FLT3: variants seen among roughly 807,000 people sequenced by gnomAD.
FLT3 encodes the protein receptor-type tyrosine-protein kinase FLT3.
In FLT3, 46 loss-of-function variants were observed where a neutral mutation model predicts 126.6. The ratio of observed to expected loss-of-function variants is 0.36; its 90% CI spans 0.29 to 0.46. The LOEUF (loss-of-function observed/expected upper bound fraction) is 0.46, where lower values mean the gene tolerates loss of function less well. Ranked by LOEUF, FLT3 falls within the 20% of genes least tolerant of loss-of-function variation. FLT3 has a pLI of 1.00. For missense variants in FLT3, 1,069 were observed against 1,190.3 expected, an observed-to-expected ratio of 0.90 and a Z score of 1.50; for synonymous variants, 404 against 434.4, an observed-to-expected ratio of 0.93 and a Z score of 0.87.
intron 9 of FLT3, among the ~76,000 whole-genome samples, chr13:28,046,754 C>T (rs1335443747): frequency 6.6e-6 from 1 of 152,052 alleles, no homozygotes; most frequent in African/African-American, 2.4e-5. Flanking sequence ...CACCACCACA[C>T]TCAACTCATT....
intron 8 of FLT3, 145 bp downstream of exon 8, chr13:28,049,239 C>A: frequency 2.5e-6 from 2 of 815,710 alleles, no homozygotes; most frequent in South Asian, 3.5e-5. Context: ...GGCAGATTAT[C>A]TTTGCAAAGC....
chr13:28,052,731 C>A (rs2137741935), intron 4 of FLT3, 57 bp from the exon 5 acceptor site: 1 of 1,262,584 alleles, frequency 7.9e-7, no homozygotes, highest in Non-Finnish European at 1.1e-6. Flanking sequence ...CTCTTAGCAG[C>A]CCCTCAGAAA....
At chr13:28,046,823 T>A (rs1874927324) in intron 9 of FLT3, among the ~76,000 whole-genome samples, 1 of 152,120 alleles carries the variant, frequency 6.6e-6, no homozygotes, top group Non-Finnish European at 1.5e-5. Context: ...CTCAAACTCC[T>A]AGGATCAAGC....
chr13:28,006,194 T>C (rs1173130657), intron 23 of FLT3, among the ~76,000 whole-genome samples: 2 of 152,206 alleles, frequency 1.3e-5, no homozygotes, highest in East Asian at 1.9e-4. Context: ...TTTTATAGAT[T>C]TGTTCCGTTC....
intron 18 of FLT3, 21 bp from the exon 19 acceptor site, chr13:28,023,498 T>G: frequency 6.2e-7 from 1 of 1,610,808 alleles, no homozygotes; most frequent in Non-Finnish European, 8.5e-7. Flanking sequence ...GAGCCAGTCT[T>G]CACTTTTGCC....
intron 1 of FLT3, among the ~76,000 whole-genome samples, chr13:28,099,868 T>G (rs1460007343): frequency 1.3e-5 from 2 of 152,148 alleles, no homozygotes; most frequent in Non-Finnish European, 2.9e-5. Context: ...TGTAAATCTG[T>G]TTGCATAATA....
intron 1 of FLT3, among the ~76,000 whole-genome samples, chr13:28,071,406 A>G (rs1877508582): frequency 6.6e-6 from 1 of 151,768 alleles, no homozygotes; most frequent in Non-Finnish European, 1.5e-5. Flanking sequence ...CTGAGAGTCT[A>G]TTTTCATCCA....
chr13:28,092,376 T>G (rs1879170052), intron 1 of FLT3, among the ~76,000 whole-genome samples: 1 of 152,024 alleles, frequency 6.6e-6, no homozygotes. Context: ...ATATTTTGAC[T>G]GTTTTTTTTA....
chr13:28,019,736 G>A (rs757515745), intron 19 of FLT3, among the ~76,000 whole-genome samples: 13 of 152,106 alleles, frequency 8.5e-5, no homozygotes, highest in Non-Finnish European at 1.6e-4. Context: ...TCGATCTGAC[G>A]GGACCTCCCT....
In FLT3 at chr13:28,049,802, A is replaced by G. The variant is rs565997236; in HGVS notation, c.743-28T>C. 52 of 1,535,330 alleles carry G rather than the reference A, an allele frequency of 3.4e-5. No homozygotes were observed. In the Admixed American group the frequency reaches 6.6e-4, roughly 19 times the overall value. The stretch of plus-strand genomic sequence containing the variant: ...AGGAGATGAAAACATCCCAAGTGAG[A>G]AAAAAAAAGTGATTTTTGCCTCATC... On this transcript the variant is annotated intron_variant, in intron 6 of 23. Coordinates refer to ENST00000241453, the MANE Select transcript of FLT3 (RefSeq NM_004119.3).
At chr13:28,059,976 A>G (rs1277754239) in intron 3 of FLT3, among the ~76,000 whole-genome samples, 1 of 150,376 alleles carries the variant, frequency 6.6e-6, no homozygotes, top group Non-Finnish European at 1.5e-5. Flanking sequence ...AAATAAATAA[A>G]TAAATAAATA....
chr13:28,028,766 T>TG (rs1332489544), intron 15 of FLT3, among the ~76,000 whole-genome samples: 1 of 132,330 alleles, frequency 7.6e-6, no homozygotes, highest in Non-Finnish European at 1.5e-5. Context: ...CCTTTTTCTT[T>TG]TTTTTTTTTC....
intron 9 of FLT3, among the ~76,000 whole-genome samples, chr13:28,046,299 A>C (rs1555256015): frequency 6.6e-6 from 1 of 152,218 alleles, no homozygotes; most frequent in Non-Finnish European, 1.5e-5. Flanking sequence ...AAAAGTCCCA[A>C]CAAGGGACTT....
chr13:28,093,340 C>T lies in FLT3; in HGVS notation c.43+7128G>A, dbSNP rs372765057. On this transcript the variant is annotated intron_variant, in intron 1 of 23. Coordinates refer to ENST00000241453, the MANE Select transcript of FLT3 (RefSeq NM_004119.3). ...CTGGGACTACAGGCATGGATCCCCA[C>T]GTCAGACCAACCATCCAGAGACTCT... 1.6e-4 allele frequency among the ~76,000 whole-genome samples: 24 copies of T among 152,106 alleles called. No individual in the cohort carries two copies. In the South Asian group the frequency reaches 1.7e-3, roughly 11 times the overall value.
chr13:28,085,729 T>G (rs564913607), intron 1 of FLT3, among the ~76,000 whole-genome samples: 3 of 150,048 alleles, frequency 2.0e-5, no homozygotes, highest in Non-Finnish European at 4.4e-5. Flanking sequence ...GTACTTTGTC[T>G]AACATCATTA....
intron 15 of FLT3, 59 bp downstream of exon 15, chr13:28,033,828 G>A (rs1873574483): frequency 4.1e-6 from 5 of 1,225,354 alleles, no homozygotes; most frequent in Middle Eastern, 1.9e-4. Context: ...AGGCATGGGT[G>A]GGAAACTGTG....
Position 28,049,784 on chromosome 13 carries a change from G to T in FLT3, c.743-10C>A, listed in dbSNP as rs1875266762. 3.1e-6 allele frequency: 5 copies of T among 1,606,470 alleles called. No homozygotes were observed. In the South Asian group the frequency reaches 5.6e-5, roughly 18 times the overall value. On this transcript the variant is annotated splice_polypyrimidine_tract_variant and intron_variant, in intron 6 of 23. Coordinates refer to ENST00000241453, the MANE Select transcript of FLT3 (RefSeq NM_004119.3). ...GGAGTTTGATTTAGATCTAGGAGAT[G>T]AAAACATCCCAAGTGAGAAAAAAAA... is the stretch of plus-strand genomic sequence containing the variant.
At chr13:28,075,808 T>C (rs1401458627) in intron 1 of FLT3, among the ~76,000 whole-genome samples, 1 of 151,616 alleles carries the variant, frequency 6.6e-6, no homozygotes, top group African/African-American at 2.4e-5. Flanking sequence ...GCAATTTTTT[T>C]TTTTTGAGAC....
intron 22 of FLT3, 94 bp from the exon 23 acceptor site, chr13:28,014,651 G>A (rs1389060435): frequency 1.2e-6 from 1 of 816,658 alleles, no homozygotes; most frequent in Non-Finnish European, 2.0e-6. Context: ...TTATTCCTCT[G>A]GAGCTGCTTA....
Sources: allele counts gnomAD v4.1 joint callset (sites outside exome capture counted in the v4.1 genomes callset), GRCh38; gene constraint gnomAD v4.1.1; transcripts MANE v1.5; gene names NCBI Gene and HGNC (gene_info 2026-07-23, HGNC 2026-07-21).